The following NPTX2 variants were observed in gnomAD, a reference collection of about 807,000 sequenced individuals.
NPTX2 encodes neuronal pentraxin 2.
NPTX2 carries 23 observed loss-of-function variants against 38.1 expected under a neutral mutation model. The ratio of observed to expected loss-of-function variants is 0.60; its 90% CI spans 0.43 to 0.85. NPTX2 has a LOEUF of 0.85. Among genes scored for constraint, NPTX2 ranks in the 40% least tolerant of loss-of-function variants. NPTX2 has a pLI of 0.00. For synonymous variants in NPTX2, 291 were observed against 287.3 expected (o/e 1.01, Z -0.13); for missense variants, 553 against 615.3 (o/e 0.90, Z 1.07).
chr7:98,621,048 A>G (rs1296774908), intron 2 of NPTX2, among the ~76,000 whole-genome samples: 1 of 152,128 alleles, frequency 6.6e-6, no homozygotes. Context: ...GAGGGGGCCC[A>G]AAGTGGGTCC....
intron 4 of NPTX2, among the ~76,000 whole-genome samples, chr7:98,627,636 T>C (rs73711722): frequency 0.021 from 3,139 of 152,218 alleles, 71 homozygotes; most frequent in African/African-American, 0.052. Context: ...GGTGTGTGGT[T>C]CAAACAGATT....
chr7:98,622,145 C>T (rs1278552261), intron 2 of NPTX2, among the ~76,000 whole-genome samples: 1 of 152,258 alleles, frequency 6.6e-6, no homozygotes, highest in African/African-American at 2.4e-5. Flanking sequence ...AAAGCTGCCT[C>T]TCTTCCAGCC....
rs564910872 is a variant in NPTX2, at chr7:98,628,617, C to T, written c.1284C>T (p.Leu428=). The T allele has an allele frequency of 2.0e-6, 3 of 1,536,836 alleles. No individual in the cohort carries two copies. The East Asian group carries it at 7.0e-5, about 36-fold the overall frequency. ...KWPVETCEER[L]LDL is the part of the protein sequence containing the mutation. ...CCGTGGAGACGTGTGAGGAGCGTCTCCTTGACTTGTAGCCGCCTTCTCCTC... is the reference window on the plus strand; with the variant it reads ...CCGTGGAGACGTGTGAGGAGCGTCTTCTTGACTTGTAGCCGCCTTCTCCTC... Residue 428 remains leucine (L), a synonymous_variant, in exon 5 of 5, where the codon CTC becomes CTT. Transcript: ENST00000265634.
At chr7:98,621,332 A>G (rs569990520) in intron 2 of NPTX2, among the ~76,000 whole-genome samples, 1 of 152,290 alleles carries the variant, frequency 6.6e-6, no homozygotes, top group South Asian at 2.1e-4. Context: ...CATCTGGCAC[A>G]GAGGGGAAGC....
In NPTX2 at chr7:98,627,282, G is replaced by A. The variant is rs141241960; in HGVS notation, c.1006G>A (p.Glu336Lys). Residue 336 changes from glutamate to lysine, a missense_variant, in exon 4 of 5, where the codon GAG (glutamate) becomes AAG (lysine). By Grantham distance (56) the Glu-to-Lys change is moderately conservative. Transcript: ENST00000265634. ...FQDGEKLGTG[E>K]NLAPWHPIKP... ...GGACGGAGAGAAGCTGGGCACTGGGGAGAACCTGGCCCCCTGGCACCCCAT... is the reference window on the plus strand; with the variant it reads ...GGACGGAGAGAAGCTGGGCACTGGGAAGAACCTGGCCCCCTGGCACCCCAT... 2 of 1,614,000 alleles carry A rather than the reference G, an allele frequency of 1.2e-6. No homozygotes were observed. Among genetic ancestry groups the A allele is most frequent in the Non-Finnish European group, 1.7e-6 (2 of 1,179,924 alleles).
intron 2 of NPTX2, among the ~76,000 whole-genome samples, chr7:98,622,091 C>T (rs530258545): frequency 3.4e-4 from 52 of 152,336 alleles, no homozygotes; most frequent in South Asian, 2.3e-3. Context: ...TGTCCAGGCA[C>T]TGCCCAGCTC....
In NPTX2 at chr7:98,629,409, T is replaced by C. The variant is rs1429081081; in HGVS notation, c.*780T>C. 13 of 152,630 alleles carry C rather than the reference T, an allele frequency of 8.5e-5. No homozygotes were observed. The highest frequency in any genetic ancestry group is 8.5e-4 in the Admixed American group (13 of 15,288). The allele number at this position is 152,630 out of a possible 1,614,324, so 9.5% of individuals were successfully genotyped here. On this transcript the variant is annotated 3_prime_UTR_variant, in exon 5 of 5. Transcript: ENST00000265634. ...GTGCCAAAGGTTCCGTTGCAGCTTT[T>C]TACAACCATCCGGTGTGGTTTGGAG...
intron 2 of NPTX2, among the ~76,000 whole-genome samples, chr7:98,624,290 G>C (rs1032377515): frequency 1.3e-5 from 2 of 152,126 alleles, no homozygotes; most frequent in Non-Finnish European, 2.9e-5. Context: ...ACAGGGTCTT[G>C]CTATGTTGCA....
At chr7:98,624,820 A>G in intron 2 of NPTX2, 102 bp from the exon 3 acceptor site, 1 of 1,437,958 alleles carries the variant, frequency 7.0e-7, no homozygotes, top group Non-Finnish European at 9.4e-7. Flanking sequence ...AGGCTGTGTG[A>G]GGGACCTTCT....
intron 2 of NPTX2, among the ~76,000 whole-genome samples, chr7:98,622,989 T>G (rs1791293097): frequency 6.6e-6 from 1 of 152,196 alleles, no homozygotes; most frequent in South Asian, 2.1e-4. Context: ...CCAAGAGCCT[T>G]TCGTGTGTAT....
At chr7:98,618,635 CTA>C (rs2115609827) in intron 1 of NPTX2, among the ~76,000 whole-genome samples, 1 of 143,638 alleles carries the variant, frequency 7.0e-6, no homozygotes, top group African/African-American at 2.5e-5. Context: ...CGTCTCATCT[CTA>C]TCTCTGAAAA....
At position 98,617,726 on chromosome 7, in the gene NPTX2, G is replaced by A; in HGVS notation, c.265G>A (p.Gly89Ser). The A allele has an allele frequency of 7.0e-7, 1 of 1,428,898 alleles. No individual in the cohort carries two copies. Among genetic ancestry groups the A allele is most frequent in the Non-Finnish European group, 9.1e-7 (1 of 1,103,250 alleles). The allele number at this position is 1,428,898 out of a possible 1,614,324, so 88.5% of individuals were successfully genotyped here. A position where few individuals can be genotyped will look rare whatever the true frequency, so the allele number is the denominator to read the frequency against. The change falls in exon 1 of 5, where the codon GGC (glycine) becomes AGC (serine). Residue 89 changes from glycine to serine, a missense_variant. By Grantham distance (56) the Gly-to-Ser change is moderately conservative. Transcript: ENST00000265634. Reference sequence around the variant, plus strand: ...GCGCGAGGCCATCCGCGAGCTCACGGGCAAGCTAGCGCGCTGCGAGGGGCT... The same window carrying A: ...GCGCGAGGCCATCCGCGAGCTCACGAGCAAGCTAGCGCGCTGCGAGGGGCT... The part of the protein sequence containing the change: ...AQREAIRELT[G>S]KLARCEGLAG...
intron 3 of NPTX2, among the ~76,000 whole-genome samples, chr7:98,626,495 T>C (rs185291351): frequency 7.4e-4 from 112 of 152,286 alleles, no homozygotes; most frequent in African/African-American, 2.5e-3. Context: ...TAACACCCTA[T>C]GACACAGTGG....
At chr7:98,627,842 AG>A (rs140764186) in intron 4 of NPTX2, among the ~76,000 whole-genome samples, 2,757 of 152,248 alleles carry the variant, frequency 0.018, 57 homozygotes, top group African/African-American at 0.044. Flanking sequence ...ATACCCAGCA[AG>A]GGGCACTTAG....
At chr7:98,623,203 G>C (rs1001982028) in intron 2 of NPTX2, among the ~76,000 whole-genome samples, 1 of 152,140 alleles carries the variant, frequency 6.6e-6, no homozygotes, top group Non-Finnish European at 1.5e-5. Flanking sequence ...AATGAGTGAA[G>C]GGCGTTTAGA....
rs1248872905 is a variant in NPTX2 at position 98,627,300 on chromosome 7, C to T, written c.1024C>T (p.His342Tyr). 2 of 1,613,934 alleles carry T rather than the reference C, an allele frequency of 1.2e-6. No homozygotes were observed. The highest frequency in any genetic ancestry group is 1.7e-6 in the Non-Finnish European group (2 of 1,179,952). ...CACTGGGGAGAACCTGGCCCCCTGG[C>T]ACCCCATCAAGCCCGGGGGCGTGCT... is the stretch of plus-strand genomic sequence containing the variant. ...LGTGENLAPW[H>Y]PIKPGGVLIL... Residue 342 changes from histidine to tyrosine, a missense_variant, in exon 4 of 5, where the codon CAC becomes TAC. Physicochemically the swap from His to Tyr is moderately conservative, Grantham distance 83. Transcript: ENST00000265634.
chr7:98,624,586 T>A (rs912159114), intron 2 of NPTX2, among the ~76,000 whole-genome samples: 3 of 152,148 alleles, frequency 2.0e-5, no homozygotes, highest in Non-Finnish European at 4.4e-5. Flanking sequence ...AGGCCTTCCC[T>A]GCATCCTCTG....
chr7:98,628,343 C>T (rs1016670554), intron 4 of NPTX2, 59 bp from the exon 5 acceptor site: 15 of 766,240 alleles, frequency 2.0e-5, no homozygotes, highest in African/African-American at 3.4e-5. Context: ...GTCTGCAGCC[C>T]GTGTGCAGGG....
Position 98,617,737 on chromosome 7 carries a change from G to T in NPTX2, c.276G>T (p.Ala92=), listed in dbSNP as rs1235173209. 1 of 1,428,990 alleles carries T rather than the reference G, an allele frequency of 7.0e-7. No individual in the cohort carries two copies. Among genetic ancestry groups the T allele is most frequent in the Admixed American group, 3.0e-5 (1 of 33,250 alleles). The allele number at this position is 1,428,990 out of a possible 1,614,324, so 88.5% of individuals were successfully genotyped here. The change falls in exon 1 of 5, where the codon GCG becomes GCT. Residue 92 remains alanine (A), a synonymous_variant. Transcript: ENST00000265634. ...EAIRELTGKL[A]RCEGLAGGKA... ...TCCGCGAGCTCACGGGCAAGCTAGC[G>T]CGCTGCGAGGGGCTGGCGGGCGGCA... is the stretch of plus-strand genomic sequence containing the variant.
Sources: gnomAD v4.1 joint callset for allele counts (sites outside exome capture counted in the v4.1 genomes callset) on GRCh38, gnomAD v4.1.1 for gene constraint, MANE v1.5 for transcripts, NCBI Gene and HGNC (gene_info 2026-07-23, HGNC 2026-07-21) for gene names.